The following SPATA32 variants were observed in gnomAD, a reference collection of about 807,000 sequenced individuals.
SPATA32 encodes the protein spermatogenesis-associated protein 32.
A neutral mutation model predicts 35.4 loss-of-function variants in SPATA32; 28 were observed. The observed-to-expected ratio is 0.79, with a 90% confidence interval of 0.59 to 1.09. SPATA32 has a LOEUF of 1.09. Ranked by LOEUF, SPATA32 falls within the 50% of genes least tolerant of loss-of-function variation. The probability of loss-of-function intolerance (pLI) is 0.00; values close to 1 mark genes in which losing one functional copy is unlikely to be tolerated. For missense variants in SPATA32, 409 were observed against 475.9 expected (o/e 0.86, Z 1.31); for synonymous variants, 168 against 196.3 (o/e 0.86, Z 1.20).
chr17:45,261,190 C>G (rs1053847470), intron 1 of SPATA32, among the ~76,000 whole-genome samples: 8 of 149,796 alleles, frequency 5.3e-5, no homozygotes, highest in Non-Finnish European at 1.0e-4. Context: ...TCCAGTGAGC[C>G]TCCCAGCTCA....
intron 1 of SPATA32, chr17:45,261,093 T>TG (rs2044001553): frequency 1.1e-5 from 1 of 92,554 alleles, no homozygotes; most frequent in East Asian, 2.8e-4. Context: ...ACCCGACCTC[T>TG]GGTTTTTTTT....
At chr17:45,261,094 G>GTTTTTTTT (rs1491518933) in intron 1 of SPATA32, 2 of 62,366 alleles carry the variant, frequency 3.2e-5, no homozygotes, top group African/African-American at 8.1e-5. Flanking sequence ...CCCGACCTCT[G>GTTTTTTTT]GTTTTTTTTT....
intron 4 of SPATA32, chr17:45,254,894 C>T: frequency 1.7e-6 from 1 of 599,394 alleles, no homozygotes; most frequent in Non-Finnish European, 2.9e-6. Context: ...TCCTTGGTCC[C>T]CAGGCCTCCT....
rs1260568255 is a variant in SPATA32 at position 45,256,412 on chromosome 17, A to G, written c.72T>C (p.Asp24=). 3 of 1,580,578 alleles carry G rather than the reference A, an allele frequency of 1.9e-6. No individual in the cohort carries two copies. Among genetic ancestry groups the G allele is most frequent in the Non-Finnish European group, 8.6e-7 (1 of 1,160,300 alleles). Residue 24 remains aspartate, a synonymous_variant, in exon 3 of 5, where the codon GAT becomes GAC. Transcript: ENST00000331780. This position sits in a 1 kb window ranked among gnomAD's most constrained non-coding sequence, Gnocchi z 4.7. ...KGSVEVAEMR[D]DLSQHQIQEE... is the part of the protein sequence containing the mutation. ...CTTGTATCTGGTGTTGACTTAAGTC[A>G]TCTCTAAGACAGAAGAAGACAGAGT...
rs527757576 is a variant in SPATA32, at chr17:45,258,251, A to G, written c.14-1044T>C. 1.6e-4 allele frequency among the ~76,000 whole-genome samples: 24 copies of G among 152,242 alleles called. No homozygotes were observed. The South Asian group carries it at 4.8e-3, about 30-fold the overall frequency. On this transcript the variant is annotated intron_variant, in intron 1 of 4. Coordinates refer to ENST00000331780, the MANE Select transcript of SPATA32 (RefSeq NM_152343.3). Reference sequence around the variant, plus strand: ...GCTTCAGCCTGGTCTTGGGGGATGTATCAGCAGAGTGGCCGGCTCAATGAT... The same window carrying G: ...GCTTCAGCCTGGTCTTGGGGGATGTGTCAGCAGAGTGGCCGGCTCAATGAT...
At chr17:45,257,312 C>T (rs1390298607) in intron 1 of SPATA32, 105 bp from the exon 2 acceptor site, 20 of 1,270,902 alleles carry the variant, frequency 1.6e-5, no homozygotes, top group South Asian at 1.0e-4. Context: ...TCTCTCTTCC[C>T]GGCTGCTATT....
At chr17:45,257,059 G>C in intron 2 of SPATA32, 94 bp downstream of exon 2, 1 of 1,405,190 alleles carries the variant, frequency 7.1e-7, no homozygotes, top group Non-Finnish European at 9.9e-7. Flanking sequence ...AGAAGGGAGG[G>C]AGATCCTAGG....
chr17:45,256,018 T>A lies in SPATA32; in HGVS notation c.164A>T (p.Asp55Val). The A allele has an allele frequency of 6.2e-7, 1 of 1,613,288 alleles. No individual in the cohort carries two copies. Among genetic ancestry groups the A allele is most frequent in the Non-Finnish European group, 8.5e-7 (1 of 1,179,700 alleles). The part of the protein sequence containing the change: ...KPQLQVDLDL[D>V]PDPDPDPELE... Reference sequence around the variant, plus strand: ...TTCTGGGTCTGGGTCTGGGTCTGGGTCCAGGTCCAGGTCCACTTGGAGTTG... The same window carrying A: ...TTCTGGGTCTGGGTCTGGGTCTGGGACCAGGTCCAGGTCCACTTGGAGTTG... The change falls in exon 4 of 5, where the codon GAC becomes GTC. Residue 55 changes from aspartate to valine, a missense_variant. Transcript: ENST00000331780. This position sits in a 1 kb window ranked among gnomAD's most constrained non-coding sequence, Gnocchi z 4.7.
Position 45,255,536 on chromosome 17 carries a change from G to T in SPATA32, c.646C>A (p.Pro216Thr). The change falls in exon 4 of 5, where the codon CCT (proline) becomes ACT (threonine). Residue 216 changes from proline (P) to threonine (T), a missense_variant. Physicochemically the swap from Pro to Thr is conservative, Grantham distance 38. Transcript: ENST00000331780. This position sits in a 1 kb window ranked among gnomAD's most constrained non-coding sequence, Gnocchi z 5.4. ...GGTGCCTGGGAGCTTGTGGTTGGAG[G>T]AGCTGAGTGGGCATCAGGGATCTGG... Reference protein sequence around the residue: ...QLQIPDAHSAPPTTSSQAPSP... With the variant: ...QLQIPDAHSATPTTSSQAPSP... 1 of 1,614,110 alleles carries T rather than the reference G, an allele frequency of 6.2e-7. No individual in the cohort carries two copies.
intron 1 of SPATA32, 135 bp from the exon 2 acceptor site, chr17:45,257,342 C>T (rs1251391952): frequency 1.9e-5 from 18 of 970,922 alleles, no homozygotes; most frequent in African/African-American, 6.4e-5. Context: ...CGTCCTGCCC[C>T]GCTCTCCTTG....
intron 1 of SPATA32, 138 bp downstream of exon 1, chr17:45,261,866 T>C: frequency 9.7e-7 from 1 of 1,035,414 alleles, no homozygotes; most frequent in Non-Finnish European, 1.2e-6. Context: ...CGACCTGCCT[T>C]TCAGGTGCCG....
Position 45,255,226 on chromosome 17 carries a change from T to A in SPATA32, c.956A>T (p.Gln319Leu). 2 of 1,614,218 alleles carry A rather than the reference T, an allele frequency of 1.2e-6. No individual in the cohort carries two copies. The highest frequency in any genetic ancestry group is 1.7e-6 in the Non-Finnish European group (2 of 1,180,036). ...CGGCTTGCTGAAGTCAAAGTAAGATTGAGCGAAGTTCTTGTCTTCCTGACT... is the reference window on the plus strand; with the variant it reads ...CGGCTTGCTGAAGTCAAAGTAAGATAGAGCGAAGTTCTTGTCTTCCTGACT... ...SWSQEDKNFAQSYFDFSKPGI... is the reference protein window; with the variant it reads ...SWSQEDKNFALSYFDFSKPGI... Residue 319 changes from glutamine to leucine, a missense_variant, in exon 4 of 5, where the codon CAA (glutamine) becomes CTA (leucine). Transcript: ENST00000331780. This position sits in a 1 kb window ranked among gnomAD's most constrained non-coding sequence, Gnocchi z 5.4.
intron 1 of SPATA32, chr17:45,260,714 T>G (rs1195298773): frequency 6.6e-6 from 1 of 152,278 alleles, no homozygotes; most frequent in African/African-American, 2.4e-5. Context: ...AGTCTTCCAG[T>G]GGGACCACTG....
chr17:45,256,059 C>G lies in SPATA32; in HGVS notation c.123G>C (p.Met41Ile). The change falls in exon 4 of 5, where the codon ATG becomes ATC. Residue 41 changes from methionine to isoleucine, a missense_variant. Met to Ile is a conservative substitution (Grantham distance 10, BLOSUM62 1). Coordinates refer to ENST00000331780, the MANE Select transcript of SPATA32 (RefSeq NM_152343.3). This position sits in a 1 kb window ranked among gnomAD's most constrained non-coding sequence, Gnocchi z 4.7. Reference protein sequence around the residue: ...IQEEQELEADMLEQKPQLQVD... With the variant: ...IQEEQELEADILEQKPQLQVD... ...CTTGGAGTTGGGGCTTCTGCTCTAG[C>G]ATGTCTGCCTCCAGCTGAAATGTTT... 1 of 1,602,964 alleles carries G rather than the reference C, an allele frequency of 6.2e-7. No individual in the cohort carries two copies.
At chr17:45,259,322 CT>C (rs1259296809) in intron 1 of SPATA32, among the ~76,000 whole-genome samples, 1 of 152,046 alleles carries the variant, frequency 6.6e-6, no homozygotes, top group Non-Finnish European at 1.5e-5. Flanking sequence ...GAAGTTTCGT[CT>C]CTTAGATTGC....
intron 1 of SPATA32, among the ~76,000 whole-genome samples, chr17:45,258,936 G>A (rs913159182): frequency 7.2e-5 from 11 of 152,050 alleles, no homozygotes; most frequent in Non-Finnish European, 1.0e-4. Context: ...GTGCCTGGCC[G>A]AAATAATTTC....
At chr17:45,258,883 G>C (rs1368594620) in intron 1 of SPATA32, among the ~76,000 whole-genome samples, 2 of 152,258 alleles carry the variant, frequency 1.3e-5, no homozygotes, top group Admixed American at 1.3e-4. Context: ...TGATCTGCCT[G>C]CCTCGGCCTC....
At position 45,256,256 on chromosome 17, in the gene SPATA32, A is replaced by C; in HGVS notation, c.108+120T>G. On this transcript the variant is annotated intron_variant, in intron 3 of 4. Coordinates refer to ENST00000331780, the MANE Select transcript of SPATA32 (RefSeq NM_152343.3). The surrounding 1 kb of genome is among the most constrained non-coding windows in gnomAD (Gnocchi z 4.7). The stretch of plus-strand genomic sequence containing the variant: ...GGTGAGGGGGTGTGTGTGTGGGTGT[A>C]CCCACACCGGCCTGGTACTAGGGTC... 8.1e-7 allele frequency: 1 copy of C among 1,232,870 alleles called. No homozygotes were observed. Among genetic ancestry groups the C allele is most frequent in the Non-Finnish European group, 1.2e-6 (1 of 839,560 alleles). The allele number at this position is 1,232,870 out of a possible 1,614,324, so 76.4% of individuals were successfully genotyped here. A position where few individuals can be genotyped will look rare whatever the true frequency, so the allele number is the denominator to read the frequency against.
In SPATA32 at chr17:45,256,375, C is replaced by T. The variant is rs374848724; in HGVS notation, c.108+1G>A. 8 of 1,612,502 alleles carry T rather than the reference C, an allele frequency of 5.0e-6. No individual in the cohort carries two copies. The highest frequency in any genetic ancestry group is 6.8e-6 in the Non-Finnish European group (8 of 1,178,648). ...CCGTAAGAGGACACTCCCATTTTTA[C>T]CTCCTGTTCCTCTTGTATCTGGTGT... On this transcript the variant is annotated splice_donor_variant, in intron 3 of 4. Coordinates refer to ENST00000331780, the MANE Select transcript of SPATA32 (RefSeq NM_152343.3). LOFTEE classifies it high-confidence loss of function. This position sits in a 1 kb window ranked among gnomAD's most constrained non-coding sequence, Gnocchi z 4.7.
Sources: gnomAD v4.1 joint callset for allele counts (sites outside exome capture counted in the v4.1 genomes callset) on GRCh38, gnomAD v4.1.1 for gene constraint, Gnocchi (gnomAD v3.1) non-coding constraint, MANE v1.5 for transcripts, NCBI Gene and HGNC (gene_info 2026-07-23, HGNC 2026-07-21) for gene names.